Variants in PRKN observed in about 807,000 individuals in gnomAD.
The protein encoded by PRKN is E3 ubiquitin-protein ligase parkin.
In PRKN, 56 loss-of-function variants were observed where a neutral mutation model predicts 59.5. That is an observed-to-expected ratio of 0.94 (90% CI 0.76 to 1.18). The LOEUF (loss-of-function observed/expected upper bound fraction) is 1.18. Among genes scored for constraint, PRKN ranks in the 50% most tolerant of loss-of-function variants. The pLI is 0.00. For synonymous variants in PRKN, 250 were observed against 222.1 expected (o/e 1.13, Z -1.12); for missense variants, 657 against 596.4 (o/e 1.10, Z -1.06).
Position 161,350,146 on chromosome 6 carries a change from A to G in PRKN, c.1351T>C (p.Cys451Arg), listed in dbSNP as rs1191453704. 2 of 1,613,448 alleles carry G rather than the reference A, an allele frequency of 1.2e-6. No homozygotes were observed. Among genetic ancestry groups the G allele is most frequent in the Non-Finnish European group, 1.7e-6 (2 of 1,179,980 alleles). The part of the protein sequence containing the change: ...CRLEWCWNCG[C>R]EWNRVCMGDH... ...CCCATGCAGACGCGGTTCCACTCGC[A>G]GCCACAGTTCCAGCACCACTCGAGC... Residue 451 changes from cysteine to arginine, a missense_variant, in exon 12 of 12, where the codon TGC becomes CGC. Transcript: ENST00000366898.
At chr6:161,464,450 T>C (rs1434656471) in intron 9 of PRKN, among the ~76,000 whole-genome samples, 3 of 152,228 alleles carry the variant, frequency 2.0e-5, no homozygotes, top group Admixed American at 6.5e-5. Flanking sequence ...ATATCATTTA[T>C]ATAATATGAA....
intron 9 of PRKN, among the ~76,000 whole-genome samples, chr6:161,479,260 G>C (rs115037498): frequency 2.0e-5 from 3 of 152,036 alleles, no homozygotes; most frequent in African/African-American, 7.2e-5. Flanking sequence ...TAATAGAGCA[G>C]TTCATAAAAC....
chr6:162,557,248 C>T (rs752806954), intron 1 of PRKN, among the ~76,000 whole-genome samples: 9 of 152,138 alleles, frequency 5.9e-5, no homozygotes, highest in Non-Finnish European at 1.0e-4. Context: ...CTGGCTGGGC[C>T]AGCTGTTATA....
At chr6:162,696,588 A>C (rs145546648) in intron 1 of PRKN, among the ~76,000 whole-genome samples, 12,706 of 119,078 alleles carry the variant, frequency 0.11, 730 homozygotes, top group Middle Eastern at 0.28. Context: ...TTTTTGAGAT[A>C]GGGTCTTACT....
At chr6:162,184,436 T>C (rs1783932831) in intron 4 of PRKN, among the ~76,000 whole-genome samples, 1 of 152,102 alleles carries the variant, frequency 6.6e-6, no homozygotes, top group South Asian at 2.1e-4. Flanking sequence ...GGTAACTGAA[T>C]CATGTGGGCG....
intron 2 of PRKN, among the ~76,000 whole-genome samples, chr6:162,279,068 C>T (rs180740114): frequency 9.2e-4 from 140 of 152,188 alleles, no homozygotes; most frequent in Non-Finnish European, 1.6e-3. Flanking sequence ...AGGTGGCTCA[C>T]GGCTGTAATC....
At chr6:162,057,060 AG>A (rs1777897026) in intron 4 of PRKN, among the ~76,000 whole-genome samples, 1 of 151,486 alleles carries the variant, frequency 6.6e-6, no homozygotes, top group Non-Finnish European at 1.5e-5. Flanking sequence ...CTGAATCTGG[AG>A]GGGGGAGGTG....
At chr6:162,436,122 G>C (rs2128164833) in intron 2 of PRKN, among the ~76,000 whole-genome samples, 1 of 124,522 alleles carries the variant, frequency 8.0e-6, no homozygotes, top group South Asian at 2.7e-4. Flanking sequence ...GTTGCAGTGA[G>C]CCAAGATCAT....
At chr6:162,412,305 C>A (rs142734886) in intron 2 of PRKN, among the ~76,000 whole-genome samples, 138 of 152,128 alleles carry the variant, frequency 9.1e-4, no homozygotes, top group African/African-American at 3.3e-3. Flanking sequence ...TAGAGCAAGG[C>A]TCAATCTAGA....
Position 162,554,461 on chromosome 6 carries a change from C to T in PRKN, c.8-110988G>A, listed in dbSNP as rs539503011. On this transcript the variant is annotated intron_variant, in intron 1 of 11. Coordinates refer to ENST00000366898, the MANE Select transcript of PRKN (RefSeq NM_004562.3). ...AGTTTGCAGTGAGCCGAGATCGCCC[C>T]ATTGCATTCCAGCCTGGGCAGCAAG... Among the ~76,000 whole-genome samples the T allele has an allele frequency of 9.4e-4, 143 of 152,280 alleles. 1 individual carries two copies. In the South Asian group the frequency reaches 0.027, roughly 29 times the overall value.
intron 1 of PRKN, among the ~76,000 whole-genome samples, chr6:162,697,533 C>T (rs571346200): frequency 7.2e-5 from 11 of 152,084 alleles, no homozygotes; most frequent in African/African-American, 2.6e-4. Flanking sequence ...TGTCAGGTTC[C>T]ACCAGATATA....
chr6:162,708,665 C>T (rs548991961), intron 1 of PRKN, among the ~76,000 whole-genome samples: 15 of 152,296 alleles, frequency 9.8e-5, no homozygotes, highest in Non-Finnish European at 1.6e-4. Context: ...AATCTAATAG[C>T]GTTTGTTACT....
rs950647242 is a variant in PRKN at position 162,515,897 on chromosome 6, C to T, written c.8-72424G>A. 4.7e-5 allele frequency among the ~76,000 whole-genome samples: 6 copies of T among 127,856 alleles called. No individual in the cohort carries two copies. In the East Asian group the frequency reaches 6.1e-4, roughly 13 times the overall value. 83.9% of individuals were successfully genotyped at this position (127,856 alleles called of 152,430 possible). ...GTCTGTACTACTAATAGGCTAGGGCCGCATGTGACTGTCAAAAAGGGTCTC... is the reference window on the plus strand; with the variant it reads ...GTCTGTACTACTAATAGGCTAGGGCTGCATGTGACTGTCAAAAAGGGTCTC... On this transcript the variant is annotated intron_variant, in intron 1 of 11. Transcript: ENST00000366898.
intron 2 of PRKN, among the ~76,000 whole-genome samples, chr6:162,288,503 G>A (rs547910296): frequency 1.3e-5 from 2 of 152,254 alleles, no homozygotes; most frequent in East Asian, 3.9e-4. Flanking sequence ...GTGTGCAAGT[G>A]AGCTCCATGA....
chr6:161,531,380 C>CAAA (rs532305875), intron 9 of PRKN, among the ~76,000 whole-genome samples: 1 of 118,586 alleles, frequency 8.4e-6, no homozygotes. Flanking sequence ...GACTCCGTCT[C>CAAA]AAAAAAAAAA....
At chr6:161,902,564 A>ATTTT (rs869148690) in intron 6 of PRKN, among the ~76,000 whole-genome samples, 5 of 112,046 alleles carry the variant, frequency 4.5e-5, no homozygotes, top group African/African-American at 6.7e-5. Context: ...TTATTTATTT[A>ATTTT]TTTTTTTTTT....
chr6:161,898,663 T>C (rs1221785593), intron 6 of PRKN, among the ~76,000 whole-genome samples: 1 of 152,204 alleles, frequency 6.6e-6, no homozygotes, highest in Non-Finnish European at 1.5e-5. Flanking sequence ...GGCGAAGCTA[T>C]CTGGGTAGAC....
At chr6:162,021,447 ATATATATATATATATTT>A (rs1258333080) in intron 5 of PRKN, among the ~76,000 whole-genome samples, 2 of 6,748 alleles carry the variant, frequency 3.0e-4, no homozygotes, top group Admixed American at 3.6e-3. Context: ...GAATATATAT[ATATATATATATATATTT>A]TTTTTTTTTT....
chr6:161,860,532 A>G (rs2155485), intron 6 of PRKN, among the ~76,000 whole-genome samples: 75,391 of 152,048 alleles, frequency 0.5, 18,910 homozygotes, highest in East Asian at 0.74. Flanking sequence ...CAGCCCTAAA[A>G]CAGAACTCCC....
Sources: allele counts gnomAD v4.1 joint callset (sites outside exome capture counted in the v4.1 genomes callset), GRCh38; gene constraint gnomAD v4.1.1; transcripts MANE v1.5; gene names NCBI Gene and HGNC (gene_info 2026-07-23, HGNC 2026-07-21).